The following ZBTB46 variants were observed in gnomAD, a reference collection of about 807,000 sequenced individuals.
The protein encoded by ZBTB46 is zinc finger and BTB domain-containing protein 46.
In ZBTB46, 8 loss-of-function variants were observed where a neutral mutation model predicts 44.1. The ratio of observed to expected loss-of-function variants is 0.18; its 90% confidence interval spans 0.11 to 0.33. The LOEUF (loss-of-function observed/expected upper bound fraction) is 0.33. Ranked by LOEUF, ZBTB46 falls within the 10% of genes least tolerant of loss-of-function variation. ZBTB46 has a pLI of 1.00. For synonymous variants in ZBTB46, 409 were observed against 382.3 expected, an observed-to-expected ratio of 1.07 and a Z score of -0.81; for missense variants, 651 against 847.7, an observed-to-expected ratio of 0.77 and a Z score of 2.88.
chr20:63,824,076 G>A (rs1053829996), intron 1 of ZBTB46, among the ~76,000 whole-genome samples: 1 of 152,126 alleles, frequency 6.6e-6, no homozygotes, highest in African/African-American at 2.4e-5. Context: ...GCTGGCCAAA[G>A]TCCTCTGTTT....
At chr20:63,806,767 C>T in intron 1 of ZBTB46, among the ~76,000 whole-genome samples, 1 of 151,968 alleles carries the variant, frequency 6.6e-6, no homozygotes. Flanking sequence ...CACCACCACG[C>T]CCAGCTAATT....
intron 1 of ZBTB46, among the ~76,000 whole-genome samples, chr20:63,827,110 T>G (rs886166440): frequency 2.0e-5 from 3 of 152,164 alleles, no homozygotes; most frequent in Non-Finnish European, 4.4e-5. Context: ...CTCCCAGCCT[T>G]GGGCCGTTTC....
chr20:63,755,200 GCTT>G (rs1265578124), intron 3 of ZBTB46, among the ~76,000 whole-genome samples: 2 of 152,190 alleles, frequency 1.3e-5, no homozygotes, highest in Non-Finnish European at 2.9e-5. Flanking sequence ...ATGCACTTCG[GCTT>G]CTTCTTAATG....
intron 3 of ZBTB46, among the ~76,000 whole-genome samples, chr20:63,773,814 T>C (rs992328728): frequency 6.6e-6 from 1 of 152,206 alleles, no homozygotes; most frequent in Admixed American, 6.5e-5. Context: ...GCGCTCCATC[T>C]GACCGGCTGG....
chr20:63,782,096 A>AAAAAAAAAAAAG (rs1386082316), intron 2 of ZBTB46, among the ~76,000 whole-genome samples: 55,003 of 122,476 alleles, frequency 0.45, 13,737 homozygotes, highest in South Asian at 0.56. Flanking sequence ...CAAAAAAAAA[A>AAAAAAAAAAAAG]AAAAGAAAAG....
chr20:63,798,093 T>C (rs996776335), intron 1 of ZBTB46, among the ~76,000 whole-genome samples: 3 of 152,216 alleles, frequency 2.0e-5, no homozygotes, highest in Admixed American at 6.6e-5. Flanking sequence ...CTGAATGGTA[T>C]TGCCTAGGTT....
intron 3 of ZBTB46, among the ~76,000 whole-genome samples, chr20:63,768,597 A>G (rs2145831147): frequency 6.6e-6 from 1 of 151,196 alleles, no homozygotes; most frequent in East Asian, 1.9e-4. Flanking sequence ...ACAAAGCCAG[A>G]CTCTGTCTCA....
intron 3 of ZBTB46, among the ~76,000 whole-genome samples, chr20:63,774,123 C>T (rs1205630868): frequency 7.3e-6 from 1 of 136,172 alleles, no homozygotes; most frequent in Non-Finnish European, 1.5e-5. Flanking sequence ...GACAGCCCAG[C>T]ACCCACAGCT....
Position 63,813,638 on chromosome 20 carries a change from G to A in ZBTB46, c.-34+17459C>T, listed in dbSNP as rs529366319. 2.0e-5 allele frequency among the ~76,000 whole-genome samples: 3 copies of A among 152,232 alleles called. No individual in the cohort carries two copies. In the East Asian group the frequency reaches 5.8e-4, roughly 29 times the overall value. Reference sequence around the variant, plus strand: ...AAGGTCACAAGGATGCACCCAGCCAGACCTTCAGGTAGGAAGTGTCACAGA... The same window carrying A: ...AAGGTCACAAGGATGCACCCAGCCAAACCTTCAGGTAGGAAGTGTCACAGA... On this transcript the variant is annotated intron_variant, in intron 1 of 4. Transcript: ENST00000245663.
intron 3 of ZBTB46, among the ~76,000 whole-genome samples, chr20:63,754,194 C>A (rs928964596): frequency 5.9e-5 from 9 of 152,360 alleles, no homozygotes; most frequent in East Asian, 3.9e-4. Context: ...CCCCGCCGCA[C>A]ATCCCCCGAG....
chr20:63,753,549 A>G (rs966320726), intron 3 of ZBTB46, among the ~76,000 whole-genome samples: 10 of 152,214 alleles, frequency 6.6e-5, no homozygotes, highest in Non-Finnish European at 1.5e-4. Context: ...TATGCTACTC[A>G]GGCCCAGATA....
In ZBTB46 at chr20:63,743,824, G is replaced by A. The variant is rs1052833310; in HGVS notation, c.*3106C>T. ...ACCCACGGCCACAGAGAGGCAGGAC[G>A]GCAGAGCCATGATTTCCCACCGAGC... On this transcript the variant is annotated 3_prime_UTR_variant, in exon 5 of 5. Transcript: ENST00000245663. 3.3e-5 allele frequency: 5 copies of A among 152,162 alleles called. No homozygotes were observed. The highest frequency in any genetic ancestry group is 7.3e-5 in the African/African-American group (3 of 41,332). 9.4% of individuals were successfully genotyped at this position (152,162 alleles called of 1,614,324 possible). A position where few individuals can be genotyped will look rare whatever the true frequency, so the allele number is the denominator to read the frequency against.
At chr20:63,796,751 C>T (rs6011121) in intron 1 of ZBTB46, among the ~76,000 whole-genome samples, 3 of 151,880 alleles carry the variant, frequency 2.0e-5, no homozygotes, top group East Asian at 1.9e-4. Context: ...CTTGAACCTG[C>T]GAGGCGGAGG....
chr20:63,829,303 C>G (rs982255249), intron 1 of ZBTB46, among the ~76,000 whole-genome samples: 37 of 152,360 alleles, frequency 2.4e-4, no homozygotes, highest in Admixed American at 1.8e-3. Context: ...CACAAAACAG[C>G]TAAACCCGAA....
intron 3 of ZBTB46, chr20:63,775,422 A>G: frequency 2.4e-6 from 1 of 414,844 alleles, no homozygotes; most frequent in Non-Finnish European, 4.3e-6. Flanking sequence ...CATTCCAGCA[A>G]GCACTCGGCT....
chr20:63,797,001 TTTTG>T (rs1210310201), intron 1 of ZBTB46, among the ~76,000 whole-genome samples: 19 of 151,934 alleles, frequency 1.3e-4, no homozygotes, highest in African/African-American at 2.2e-4. Context: ...GAAACCCGGT[TTTTG>T]TTTTTGTTTT....
chr20:63,822,940 C>T (rs899495910), intron 1 of ZBTB46, among the ~76,000 whole-genome samples: 12 of 107,444 alleles, frequency 1.1e-4, no homozygotes, highest in African/African-American at 4.5e-4. Flanking sequence ...ACGGGTGGAT[C>T]ACTTAAGCTC....
intron 1 of ZBTB46, among the ~76,000 whole-genome samples, chr20:63,800,793 T>C (rs2092638247): frequency 1.3e-5 from 2 of 152,212 alleles, no homozygotes; most frequent in African/African-American, 4.8e-5. Context: ...GCTTGGGACC[T>C]GAAGCCCGCC....
At chr20:63,764,924 T>G (rs2092306247) in intron 3 of ZBTB46, among the ~76,000 whole-genome samples, 1 of 151,664 alleles carries the variant, frequency 6.6e-6, no homozygotes, top group African/African-American at 2.4e-5. Flanking sequence ...AGATTTTTTT[T>G]TGTTTTTCTT....
Sources: allele counts gnomAD v4.1 joint callset (sites outside exome capture counted in the v4.1 genomes callset), GRCh38; gene constraint gnomAD v4.1.1; transcripts MANE v1.5; gene names NCBI Gene and HGNC (gene_info 2026-07-23, HGNC 2026-07-21).